SUMF1: variants seen among roughly 807,000 people sequenced by gnomAD.
SUMF1 encodes the protein sulfatase modifying factor 1.
SUMF1 carries 48 observed loss-of-function variants against 47.6 expected under a neutral mutation model. That is an observed-to-expected ratio of 1.01 (90% CI 0.80 to 1.28). The LOEUF (loss-of-function observed/expected upper bound fraction) is 1.28. Among genes scored for constraint, SUMF1 ranks in the 50% most tolerant of loss-of-function variants. The pLI is 0.00. For synonymous variants in SUMF1, 230 were observed against 192.1 expected, an observed-to-expected ratio of 1.20 and a Z score of -1.63; for missense variants, 571 against 485.4, an observed-to-expected ratio of 1.18 and a Z score of -1.66.
At chr3:4,373,167 A>ATTT (rs1700218971) in intron 8 of SUMF1, among the ~76,000 whole-genome samples, 1 of 151,454 alleles carries the variant, frequency 6.6e-6, no homozygotes, top group Non-Finnish European at 1.5e-5. Flanking sequence ...ATAAGGAGAG[A>ATTT]AAATGGGGTG....
chr3:4,086,200 A>T (rs1283537417), intron 8 of SUMF1, among the ~76,000 whole-genome samples: 3 of 151,030 alleles, frequency 2.0e-5, no homozygotes, highest in Non-Finnish European at 4.4e-5. Context: ...TGCAGTGTTT[A>T]TACACTTAGA....
chr3:4,464,622 T>C (rs1336497828), intron 1 of SUMF1, among the ~76,000 whole-genome samples: 1 of 152,252 alleles, frequency 6.6e-6, no homozygotes, highest in Non-Finnish European at 1.5e-5. Context: ...AACACCACTA[T>C]GCTCATTTAC....
intron 8 of SUMF1, among the ~76,000 whole-genome samples, chr3:4,200,703 T>C (rs1467633785): frequency 6.6e-6 from 1 of 152,146 alleles, no homozygotes; most frequent in Non-Finnish European, 1.5e-5. Context: ...CCTTTATGGA[T>C]CTCCTCTTAT....
chr3:4,198,477 A>G, intron 8 of SUMF1, among the ~76,000 whole-genome samples: 1 of 152,246 alleles, frequency 6.6e-6, no homozygotes, highest in Admixed American at 6.5e-5. Flanking sequence ...CCTGCTTATT[A>G]ATCTACCTAA....
intron 8 of SUMF1, among the ~76,000 whole-genome samples, chr3:4,272,560 C>T (rs1232707975): frequency 6.6e-6 from 1 of 152,034 alleles, no homozygotes; most frequent in East Asian, 1.9e-4. Context: ...GACCTGGAAG[C>T]GGGAGGAGCA....
At chr3:4,331,326 C>T (rs1377935338) in intron 8 of SUMF1, among the ~76,000 whole-genome samples, 1 of 151,926 alleles carries the variant, frequency 6.6e-6, no homozygotes, top group Non-Finnish European at 1.5e-5. Flanking sequence ...ACATGTCCTA[C>T]TTCCCTTATA....
chr3:4,092,198 G>A (rs1250368270), intron 8 of SUMF1, among the ~76,000 whole-genome samples: 1 of 152,020 alleles, frequency 6.6e-6, no homozygotes, highest in Non-Finnish European at 1.5e-5. Context: ...GACACACAGT[G>A]GTGTCCAAAG....
intron 8 of SUMF1, among the ~76,000 whole-genome samples, chr3:4,203,506 A>C (rs1368768337): frequency 6.6e-6 from 1 of 151,962 alleles, no homozygotes; most frequent in African/African-American, 2.4e-5. Flanking sequence ...TCTTGTAGGC[A>C]ACAGATTATT....
intron 1 of SUMF1, among the ~76,000 whole-genome samples, chr3:4,465,762 C>T (rs1167544255): frequency 6.6e-6 from 1 of 152,226 alleles, no homozygotes; most frequent in Non-Finnish European, 1.5e-5. Flanking sequence ...CCATCACCCT[C>T]ACAGTCCAGT....
chr3:4,161,509 C>T (rs562698192), intron 8 of SUMF1, among the ~76,000 whole-genome samples: 1 of 152,198 alleles, frequency 6.6e-6, no homozygotes, highest in East Asian at 1.9e-4. Context: ...GCACACAAAT[C>T]GTAAGACAAA....
At chr3:4,247,849 A>T (rs1417374805) in intron 8 of SUMF1, among the ~76,000 whole-genome samples, 3 of 152,230 alleles carry the variant, frequency 2.0e-5, no homozygotes, top group African/African-American at 4.8e-5. Context: ...CTTGAAAACA[A>T]AATGTCTCAG....
At chr3:4,238,036 T>A (rs976594710) in intron 8 of SUMF1, among the ~76,000 whole-genome samples, 5 of 152,058 alleles carry the variant, frequency 3.3e-5, no homozygotes, top group Non-Finnish European at 5.9e-5. Context: ...TGGTGTTTGG[T>A]TTTCTGTTCC....
intron 8 of SUMF1, among the ~76,000 whole-genome samples, chr3:4,287,111 A>G (rs968346181): frequency 1.3e-5 from 2 of 152,116 alleles, no homozygotes; most frequent in Non-Finnish European, 2.9e-5. Flanking sequence ...CAGCTAATGG[A>G]ATGTGTGCTA....
At chr3:4,233,229 T>C (rs775263440) in intron 8 of SUMF1, among the ~76,000 whole-genome samples, 2 of 152,128 alleles carry the variant, frequency 1.3e-5, no homozygotes, top group African/African-American at 4.8e-5. Context: ...GATCCGCAGA[T>C]GGCATTATGA....
At chr3:4,464,431 T>TGTGAGA (rs1553592599) in intron 1 of SUMF1, among the ~76,000 whole-genome samples, 1 of 151,016 alleles carries the variant, frequency 6.6e-6, no homozygotes, top group African/African-American at 2.4e-5. Context: ...TGTGTGTGTG[T>TGTGAGA]GAGAGAGAGA....
intron 9 of SUMF1, among the ~76,000 whole-genome samples, chr3:4,037,978 A>G (rs954658144): frequency 6.6e-6 from 1 of 152,044 alleles, no homozygotes; most frequent in Non-Finnish European, 1.5e-5. Flanking sequence ...GGTGGCACTT[A>G]GATGTAGTGG....
intron 8 of SUMF1, among the ~76,000 whole-genome samples, chr3:4,284,547 T>C (rs1178300710): frequency 2.6e-5 from 4 of 151,734 alleles, no homozygotes; most frequent in South Asian, 2.1e-4. Context: ...CAGGTGACCC[T>C]GGCATCAAGT....
intron 8 of SUMF1, among the ~76,000 whole-genome samples, chr3:4,324,320 T>C (rs1698898091): frequency 6.6e-6 from 1 of 152,180 alleles, no homozygotes; most frequent in Non-Finnish European, 1.5e-5. Context: ...TTTTTTATAA[T>C]ATAGACCAAA....
intron 9 of SUMF1, among the ~76,000 whole-genome samples, chr3:4,047,930 C>T (rs1360392770): frequency 6.6e-6 from 1 of 152,052 alleles, no homozygotes; most frequent in South Asian, 2.1e-4. Context: ...TTCATCTTTA[C>T]CTCGATCCTA....
Sources: allele counts gnomAD v4.1 joint callset (sites outside exome capture counted in the v4.1 genomes callset), GRCh38; gene constraint gnomAD v4.1.1; transcripts MANE v1.5; gene names NCBI Gene and HGNC (gene_info 2026-07-23, HGNC 2026-07-21).